Variants in XIRP2 observed in about 807,000 individuals in gnomAD.
The protein encoded by XIRP2 is xin actin-binding repeat-containing protein 2.
Under a neutral mutation model 277.0 loss-of-function variants are expected in XIRP2, and 236 were observed. The observed-to-expected ratio is 0.85, with a 90% CI of 0.77 to 0.95. The LOEUF is 0.95. Among genes scored for constraint, XIRP2 ranks in the 40% least tolerant of loss-of-function variants. The pLI, the probability that XIRP2 is intolerant of heterozygous loss-of-function variation, is 0.00. For missense variants in XIRP2, 4,640 were observed against 4,157.5 expected, an observed-to-expected ratio of 1.12 and a Z score of -3.19; for synonymous variants, 1,490 against 1,416.5, an observed-to-expected ratio of 1.05 and a Z score of -1.17.
intron 3 of XIRP2, among the ~76,000 whole-genome samples, chr2:167,178,572 C>A (rs1692919931): frequency 6.6e-6 from 1 of 152,144 alleles, no homozygotes; most frequent in Middle Eastern, 3.4e-3. Context: ...AATTTCACAG[C>A]ATTTAATTAA....
chr2:167,029,450 C>A (rs945890908), intron 2 of XIRP2, among the ~76,000 whole-genome samples: 1 of 152,040 alleles, frequency 6.6e-6, no homozygotes, highest in Non-Finnish European at 1.5e-5. Context: ...TTTTCTGCAT[C>A]TATTGAGATA....
At chr2:166,935,396 G>A (rs1486472256) in intron 2 of XIRP2, among the ~76,000 whole-genome samples, 1 of 152,148 alleles carries the variant, frequency 6.6e-6, no homozygotes, top group East Asian at 1.9e-4. Context: ...ACTGGAAAAA[G>A]TAGTCTTACA....
rs1344174596 is a variant in XIRP2, at chr2:167,258,174, A to T, written c.*357A>T. 1.2e-6 allele frequency: 2 copies of T among 1,613,020 alleles called. No homozygotes were observed. The highest frequency in any genetic ancestry group is 1.7e-6 in the Non-Finnish European group (2 of 1,179,582). On this transcript the variant is annotated 3_prime_UTR_variant, in exon 11 of 11. Transcript: ENST00000409195. ...TTAAAAGTCATTTGGCCTCCTTCCAAGGAGATCCCTAAGAAAACCTTACCC... is the reference window on the plus strand; with the variant it reads ...TTAAAAGTCATTTGGCCTCCTTCCATGGAGATCCCTAAGAAAACCTTACCC...
chr2:167,133,083 A>G (rs1691434392), intron 2 of XIRP2, among the ~76,000 whole-genome samples: 1 of 152,226 alleles, frequency 6.6e-6, no homozygotes, highest in South Asian at 2.1e-4. Flanking sequence ...AAGTGACTTA[A>G]TCAAGGCCAC....
intron 3 of XIRP2, among the ~76,000 whole-genome samples, chr2:167,157,685 C>T (rs114821692): frequency 0.016 from 2,469 of 152,174 alleles, 74 homozygotes; most frequent in African/African-American, 0.057. Context: ...ACAATCAAAG[C>T]AGCTTGTGGG....
chr2:167,173,275 C>A (rs1369467883), intron 3 of XIRP2, among the ~76,000 whole-genome samples: 1 of 151,718 alleles, frequency 6.6e-6, no homozygotes, highest in Non-Finnish European at 1.5e-5. Context: ...TCCCTGACAA[C>A]ACCACACTAT....
intron 1 of XIRP2, among the ~76,000 whole-genome samples, chr2:166,891,419 A>G (rs1684101529): frequency 6.6e-6 from 1 of 152,190 alleles, no homozygotes; most frequent in South Asian, 2.1e-4. Flanking sequence ...TTTTTGGCAG[A>G]AAAATTAATT....
chr2:167,035,973 C>T (rs1413553311), intron 2 of XIRP2, among the ~76,000 whole-genome samples: 1 of 152,204 alleles, frequency 6.6e-6, no homozygotes, highest in South Asian at 2.1e-4. Flanking sequence ...CCAAGCTTGG[C>T]AGCTTCTACG....
intron 2 of XIRP2, among the ~76,000 whole-genome samples, chr2:167,044,018 A>G (rs1261621608): frequency 6.6e-6 from 1 of 152,038 alleles, no homozygotes; most frequent in East Asian, 1.9e-4. Flanking sequence ...TAGATGCAAA[A>G]ATCCTCAACA....
intron 2 of XIRP2, among the ~76,000 whole-genome samples, chr2:167,101,940 A>G (rs1465979741): frequency 6.6e-6 from 1 of 152,148 alleles, no homozygotes; most frequent in Non-Finnish European, 1.5e-5. Flanking sequence ...GGCACCTCTT[A>G]AACTTCAGTT....
intron 2 of XIRP2, among the ~76,000 whole-genome samples, chr2:166,978,790 G>C (rs1170445685): frequency 6.6e-6 from 1 of 152,072 alleles, no homozygotes; most frequent in Non-Finnish European, 1.5e-5. Context: ...AGACCAGCCT[G>C]GGCAACACAG....
intron 3 of XIRP2, among the ~76,000 whole-genome samples, chr2:167,180,559 T>C (rs571101739): frequency 1.3e-5 from 2 of 152,378 alleles, no homozygotes; most frequent in Non-Finnish European, 2.9e-5. Flanking sequence ...TTTTATTTCA[T>C]TTTATTGTCT....
rs1005380809 is a variant in XIRP2 at position 167,259,513 on chromosome 2, T to C, written c.*1696T>C. The C allele has an allele frequency of 4.2e-6, 3 of 710,070 alleles. No homozygotes were observed. In the African/African-American group the frequency reaches 5.5e-5, roughly 13 times the overall value. 44.0% of individuals were successfully genotyped at this position (710,070 alleles called of 1,614,324 possible). A position where few individuals can be genotyped will look rare whatever the true frequency, so the allele number is the denominator to read the frequency against. ...GTGTCTATCTCAATGGGATATTTCT[T>C]GTATTACACCTTGTCATTTTTTTCA... On this transcript the variant is annotated 3_prime_UTR_variant, in exon 11 of 11. Transcript: ENST00000409195.
chr2:167,083,850 T>C (rs1007598987), intron 2 of XIRP2, among the ~76,000 whole-genome samples: 20 of 152,162 alleles, frequency 1.3e-4, no homozygotes, highest in Admixed American at 1.0e-3. Context: ...GCTGAGACAA[T>C]GTGGTTTTCT....
At chr2:167,077,528 T>A (rs919663970) in intron 2 of XIRP2, among the ~76,000 whole-genome samples, 8 of 151,968 alleles carry the variant, frequency 5.3e-5, no homozygotes, top group Non-Finnish European at 1.2e-4. Flanking sequence ...AAAGAAAGAA[T>A]AATGAATGGA....
At chr2:166,930,440 T>C (rs1685302515) in intron 2 of XIRP2, among the ~76,000 whole-genome samples, 1 of 152,136 alleles carries the variant, frequency 6.6e-6, no homozygotes, top group Admixed American at 6.5e-5. Context: ...AGAATGGAAG[T>C]CAATTGAAGA....
chr2:167,103,921 T>A (rs1046412148), intron 2 of XIRP2, among the ~76,000 whole-genome samples: 4 of 152,174 alleles, frequency 2.6e-5, no homozygotes, highest in Non-Finnish European at 5.9e-5. Context: ...CACCAGTGAT[T>A]TGTTTTTCTG....
chr2:167,240,089 C>A, intron 6 of XIRP2, 124 bp downstream of exon 6: 1 of 833,920 alleles, frequency 1.2e-6, no homozygotes, highest in Non-Finnish European at 1.7e-6. Context: ...ATCAGTGTTT[C>A]TTTCTCCACT....
At chr2:167,203,444 C>A (rs1014487078) in intron 3 of XIRP2, among the ~76,000 whole-genome samples, 2 of 152,166 alleles carry the variant, frequency 1.3e-5, no homozygotes, top group Non-Finnish European at 2.9e-5. Flanking sequence ...AGTACACATA[C>A]AATAACACAA....
Sources: gnomAD v4.1 joint callset for allele counts (sites outside exome capture counted in the v4.1 genomes callset) on GRCh38, gnomAD v4.1.1 for gene constraint, MANE v1.5 for transcripts, NCBI Gene and HGNC (gene_info 2026-07-23, HGNC 2026-07-21) for gene names.